Variants in CCR7 observed in about 807,000 individuals in gnomAD.
CCR7 encodes C-C chemokine receptor type 7.
CCR7 carries 11 observed loss-of-function variants against 26.0 expected under a neutral mutation model. The observed-to-expected ratio is 0.42, with a 90% CI of 0.27 to 0.70. The LOEUF is 0.70. CCR7 is among the 30% of genes least tolerant of loss of function. The pLI, the probability that CCR7 is intolerant of heterozygous loss-of-function variation, is 0.23. For synonymous variants in CCR7, 189 were observed against 202.1 expected, an observed-to-expected ratio of 0.94 and a Z score of 0.55; for missense variants, 360 against 504.0, an observed-to-expected ratio of 0.71 and a Z score of 2.74.
In CCR7 at chr17:40,565,314, C is replaced by T. The variant is rs927677778; in HGVS notation, c.10+86G>A. ...AGGAAGCACCCCTATGCGCTCCACCCGCATCCTCCACCCCCATTCCACAGG... is the reference window on the plus strand; with the variant it reads ...AGGAAGCACCCCTATGCGCTCCACCTGCATCCTCCACCCCCATTCCACAGG... On this transcript the variant is annotated intron_variant, in intron 1 of 2. Transcript: ENST00000246657. 12 of 1,201,026 alleles carry T rather than the reference C, an allele frequency of 1.0e-5. No individual in the cohort carries two copies. In the Middle Eastern group the frequency reaches 7.6e-4, roughly 76 times the overall value. The allele number at this position is 1,201,026 out of a possible 1,614,324, so 74.4% of individuals were successfully genotyped here.
intron 1 of CCR7, among the ~76,000 whole-genome samples, chr17:40,560,355 C>A (rs1346567906): frequency 2.0e-5 from 3 of 152,180 alleles, no homozygotes; most frequent in Non-Finnish European, 4.4e-5. Context: ...CTCAATAGCG[C>A]CAGGAAATGC....
At chr17:40,557,090 C>G (rs1044860056) in intron 2 of CCR7, among the ~76,000 whole-genome samples, 6 of 152,214 alleles carry the variant, frequency 3.9e-5, no homozygotes, top group Non-Finnish European at 8.8e-5. Flanking sequence ...CCCGCCCTCT[C>G]CCCCCACCTC....
chr17:40,554,693 A>AC lies in CCR7; in HGVS notation c.*48dup. 1 of 1,436,004 alleles carries AC rather than the reference A, an allele frequency of 7.0e-7. No individual in the cohort carries two copies. Among genetic ancestry groups the AC allele is most frequent in the South Asian group, 1.3e-5 (1 of 75,152 alleles). 89.0% of individuals were successfully genotyped at this position (1,436,004 alleles called of 1,614,324 possible). A position where few individuals can be genotyped will look rare whatever the true frequency, so the allele number is the denominator to read the frequency against. ...GTCATTGCATCTGCTCCCTATCCCC[A>AC]CCCCAGGGACCCTGGGAGAGGTCCC... On this transcript the variant is annotated 3_prime_UTR_variant, in exon 3 of 3. Transcript: ENST00000246657.
intron 1 of CCR7, among the ~76,000 whole-genome samples, chr17:40,559,623 C>T (rs539243489): frequency 1.3e-5 from 2 of 152,346 alleles, no homozygotes; most frequent in South Asian, 2.1e-4. Context: ...TCATTCAGCA[C>T]TGACTGTTGG....
rs563364833 is a variant in CCR7 at position 40,555,912 on chromosome 17, T to A, written c.61-94A>T. On this transcript the variant is annotated intron_variant, in intron 2 of 2. Coordinates refer to ENST00000246657, the MANE Select transcript of CCR7 (RefSeq NM_001838.4). The surrounding 1 kb of genome is among the most constrained non-coding windows in gnomAD (Gnocchi z 5.6). ...GCCTAGAGCAGTGGTTTCTTTCTTTTTTTTTTTTCTTGAGACATGGTCTCA... is the reference window on the plus strand; with the variant it reads ...GCCTAGAGCAGTGGTTTCTTTCTTTATTTTTTTTCTTGAGACATGGTCTCA... 101 of 836,382 alleles carry A rather than the reference T, an allele frequency of 1.2e-4. 1 individual carries two copies. The East Asian group carries it at 2.4e-3, about 20-fold the overall frequency. The allele number at this position is 836,382 out of a possible 1,614,324, so 51.8% of individuals were successfully genotyped here. A position where few individuals can be genotyped will look rare whatever the true frequency, so the allele number is the denominator to read the frequency against.
chr17:40,561,561 A>G (rs1250644683), intron 1 of CCR7, among the ~76,000 whole-genome samples: 1 of 152,202 alleles, frequency 6.6e-6, no homozygotes, highest in Non-Finnish European at 1.5e-5. Flanking sequence ...GATCATCATG[A>G]AAATTCCCTA....
At position 40,555,559 on chromosome 17, in the gene CCR7, A is replaced by G; in HGVS notation, c.320T>C (p.Phe107Ser). ...LLNLAVADIL[F>S]LLTLPFWAYS... ...GGCCCAGAAGGGAAGGGTCAGGAGG[A>G]AGAGGATGTCTGCCACCGCCAGGTT... Residue 107 changes from phenylalanine to serine, a missense_variant, in exon 3 of 3, where the codon TTC becomes TCC. Coordinates refer to ENST00000246657, the MANE Select transcript of CCR7 (RefSeq NM_001838.4). The surrounding 1 kb of genome is among the most constrained non-coding windows in gnomAD (Gnocchi z 5.6). 6.2e-7 allele frequency: 1 copy of G among 1,614,044 alleles called. No homozygotes were observed. Among genetic ancestry groups the G allele is most frequent in the Non-Finnish European group, 8.5e-7 (1 of 1,179,996 alleles).
At chr17:40,560,100 T>A (rs188725135) in intron 1 of CCR7, among the ~76,000 whole-genome samples, 7 of 152,300 alleles carry the variant, frequency 4.6e-5, no homozygotes, top group Admixed American at 3.9e-4. Context: ...AAGGCCCAGA[T>A]GTGCTCAGTC....
chr17:40,556,129 A>G (rs913425314), intron 2 of CCR7, among the ~76,000 whole-genome samples: 4 of 152,060 alleles, frequency 2.6e-5, no homozygotes, highest in Middle Eastern at 3.2e-3. Flanking sequence ...CGGGAGGAAT[A>G]GTGGTTTCAT....
chr17:40,557,039 G>A (rs1225618459), intron 2 of CCR7, among the ~76,000 whole-genome samples: 1 of 152,206 alleles, frequency 6.6e-6, no homozygotes, highest in Non-Finnish European at 1.5e-5. Flanking sequence ...TGTGTCCCTG[G>A]AAGGAAGCGC....
chr17:40,557,632 T>C (rs987358097), intron 2 of CCR7, among the ~76,000 whole-genome samples: 5 of 152,188 alleles, frequency 3.3e-5, no homozygotes, highest in African/African-American at 1.2e-4. Context: ...CCCAAGGCCT[T>C]AGACCCGGGG....
chr17:40,557,066 T>C (rs1162360206), intron 2 of CCR7, among the ~76,000 whole-genome samples: 1 of 152,176 alleles, frequency 6.6e-6, no homozygotes, highest in Non-Finnish European at 1.5e-5. Context: ...CATCTCCCAC[T>C]CTCCCTCTGT....
At chr17:40,557,974 G>A (rs1002317128) in intron 2 of CCR7, among the ~76,000 whole-genome samples, 14 of 152,314 alleles carry the variant, frequency 9.2e-5, no homozygotes, top group African/African-American at 3.4e-4. Context: ...ATGGGGAAGG[G>A]GGCCAGGCTA....
intron 1 of CCR7, among the ~76,000 whole-genome samples, chr17:40,561,509 C>A (rs909538219): frequency 6.6e-6 from 1 of 152,098 alleles, no homozygotes; most frequent in Non-Finnish European, 1.5e-5. Flanking sequence ...AGTGGTTGAC[C>A]TAGATGTTGG....
chr17:40,562,749 G>T (rs1206883141), intron 1 of CCR7, among the ~76,000 whole-genome samples: 3 of 151,894 alleles, frequency 2.0e-5, no homozygotes, highest in South Asian at 2.1e-4. Context: ...CCTCCCCTCC[G>T]CTTGCTTCTT....
chr17:40,563,253 G>A (rs879623306), intron 1 of CCR7, among the ~76,000 whole-genome samples: 1 of 152,028 alleles, frequency 6.6e-6, no homozygotes, highest in African/African-American at 2.4e-5. Flanking sequence ...TTCCAACAGC[G>A]ACCCCAGGCT....
chr17:40,557,234 G>A (rs1180973518), intron 2 of CCR7, among the ~76,000 whole-genome samples: 2 of 152,208 alleles, frequency 1.3e-5, no homozygotes, highest in Non-Finnish European at 2.9e-5. Flanking sequence ...ATGAAGGAGG[G>A]GGTCCATGCC....
At chr17:40,558,694 AG>A (rs2143912265) in intron 2 of CCR7, among the ~76,000 whole-genome samples, 198 bp downstream of exon 2, 1 of 152,300 alleles carries the variant, frequency 6.6e-6, no homozygotes, top group East Asian at 1.9e-4. Flanking sequence ...AATGGAGTAA[AG>A]GAAGTCCAGA....
At chr17:40,560,242 T>A (rs551129436) in intron 1 of CCR7, among the ~76,000 whole-genome samples, 51 of 152,336 alleles carry the variant, frequency 3.3e-4, no homozygotes, top group African/African-American at 1.2e-3. Context: ...GTAGCCCTCT[T>A]CCCGTATCCT....
Sources: allele counts gnomAD v4.1 joint callset (sites outside exome capture counted in the v4.1 genomes callset), GRCh38; gene constraint gnomAD v4.1.1; non-coding constraint Gnocchi (gnomAD v3.1); transcripts MANE v1.5; gene names NCBI Gene and HGNC (gene_info 2026-07-23, HGNC 2026-07-21).